The following LIPI variants were observed in gnomAD, a reference collection of about 807,000 sequenced individuals.
The protein encoded by LIPI is lipase member I.
In LIPI, 59 loss-of-function variants were observed where a neutral mutation model predicts 50.6. The ratio of observed to expected loss-of-function variants is 1.16; its 90% CI spans 0.94 to 1.45. The LOEUF (loss-of-function observed/expected upper bound fraction) is 1.45, where lower values mean the gene tolerates loss of function less well. Among genes scored for constraint, LIPI ranks in the 40% most tolerant of loss-of-function variants. The probability of loss-of-function intolerance (pLI) is 0.00; values close to 1 mark genes in which losing one functional copy is unlikely to be tolerated. For missense variants in LIPI, 586 were observed against 536.3 expected (o/e 1.09, Z -0.92); for synonymous variants, 203 against 178.2 (o/e 1.14, Z -1.11).
intron 9 of LIPI, among the ~76,000 whole-genome samples, chr21:14,132,263 C>A (rs944722106): frequency 6.6e-6 from 1 of 152,108 alleles, no homozygotes. Flanking sequence ...TGGCATATTA[C>A]CTTTAGGAGG....
At chr21:14,145,150 T>C (rs571941485) in intron 8 of LIPI, among the ~76,000 whole-genome samples, 3 of 64,802 alleles carry the variant, frequency 4.6e-5, no homozygotes, top group South Asian at 9.2e-4. Context: ...ATAGACTAGG[T>C]GCTTAACGGA....
chr21:14,168,050 G>A (rs963299763), intron 4 of LIPI, among the ~76,000 whole-genome samples: 102 of 152,282 alleles, frequency 6.7e-4, no homozygotes, highest in Middle Eastern at 3.4e-3. Context: ...GCCAAGGCTC[G>A]AGAACTATGT....
intron 9 of LIPI, among the ~76,000 whole-genome samples, chr21:14,111,588 A>C (rs2016416054): frequency 6.6e-6 from 1 of 152,010 alleles, no homozygotes; most frequent in South Asian, 2.1e-4. Flanking sequence ...TAAGCTTTTT[A>C]GTTTAATGTA....
chr21:14,134,682 C>T (rs1415327349), intron 9 of LIPI, among the ~76,000 whole-genome samples: 3 of 152,026 alleles, frequency 2.0e-5, no homozygotes, highest in African/African-American at 7.2e-5. Context: ...CAAAATAACA[C>T]ACTGATAAAA....
chr21:14,167,933 T>C (rs1000464397), intron 4 of LIPI, among the ~76,000 whole-genome samples: 3 of 152,156 alleles, frequency 2.0e-5, no homozygotes, highest in African/African-American at 4.8e-5. Context: ...CGGGAGGACA[T>C]TCAAACCAAA....
intron 9 of LIPI, among the ~76,000 whole-genome samples, chr21:14,131,029 C>T (rs2017272750): frequency 6.6e-6 from 1 of 152,192 alleles, no homozygotes; most frequent in Non-Finnish European, 1.5e-5. Context: ...CAGCTCACTG[C>T]AAGCTCTGCC....
chr21:14,161,577 ATAAT>A (rs1246015775), intron 7 of LIPI, among the ~76,000 whole-genome samples: 7 of 120,420 alleles, frequency 5.8e-5, no homozygotes, highest in Non-Finnish European at 1.1e-4. Flanking sequence ...TATTATATAT[ATAAT>A]ATATATCTAT....
At chr21:14,150,916 T>A (rs1359245346) in intron 8 of LIPI, among the ~76,000 whole-genome samples, 1 of 152,212 alleles carries the variant, frequency 6.6e-6, no homozygotes, top group East Asian at 1.9e-4. Context: ...ACTCTTTCAC[T>A]ACCAGTTCTA....
intron 9 of LIPI, among the ~76,000 whole-genome samples, chr21:14,133,595 A>C (rs2017378001): frequency 6.6e-6 from 1 of 152,212 alleles, no homozygotes; most frequent in Non-Finnish European, 1.5e-5. Context: ...CACCACTCTT[A>C]TTCAACGCAG....
chr21:14,199,410 A>G (rs2019972729), intron 1 of LIPI, among the ~76,000 whole-genome samples: 1 of 151,918 alleles, frequency 6.6e-6, no homozygotes, highest in South Asian at 2.1e-4. Flanking sequence ...CAAGGGTTAT[A>G]TTACTACTTA....
At chr21:14,200,626 C>T (rs1428633712) in intron 1 of LIPI, among the ~76,000 whole-genome samples, 3 of 151,592 alleles carry the variant, frequency 2.0e-5, no homozygotes, top group Non-Finnish European at 2.9e-5. Flanking sequence ...CAAAAATAAT[C>T]GAAAAACATA....
At chr21:14,147,437 C>T (rs373882344) in intron 8 of LIPI, among the ~76,000 whole-genome samples, 2 of 152,094 alleles carry the variant, frequency 1.3e-5, no homozygotes, top group African/African-American at 4.8e-5. Flanking sequence ...ACAGTATCCC[C>T]AGCACTTAAC....
chr21:14,116,962 G>A (rs561548546), intron 9 of LIPI, among the ~76,000 whole-genome samples: 184 of 152,254 alleles, frequency 1.2e-3, no homozygotes, highest in Admixed American at 2.1e-3. Context: ...AGGCTTAGGC[G>A]GGAAGCCACT....
chr21:14,120,200 A>T (rs369822082), intron 9 of LIPI, among the ~76,000 whole-genome samples: 211 of 152,298 alleles, frequency 1.4e-3, no homozygotes, highest in Middle Eastern at 0.01. Flanking sequence ...TATTTTACTG[A>T]TGGAAGCAGC....
intron 1 of LIPI, among the ~76,000 whole-genome samples, chr21:14,193,399 A>G (rs2019741992): frequency 6.6e-6 from 1 of 152,126 alleles, no homozygotes; most frequent in African/African-American, 2.4e-5. Context: ...CTTTGCTATC[A>G]ATGATAATTT....
intron 3 of LIPI, among the ~76,000 whole-genome samples, chr21:14,183,371 C>G (rs1433906589): frequency 6.6e-6 from 1 of 152,032 alleles, no homozygotes; most frequent in African/African-American, 2.4e-5. Flanking sequence ...CGATAAAAAC[C>G]CTAGAAGAAA....
At chr21:14,190,769 G>A (rs2019641854) in intron 1 of LIPI, among the ~76,000 whole-genome samples, 1 of 152,162 alleles carries the variant, frequency 6.6e-6, no homozygotes, top group Admixed American at 6.5e-5. Context: ...ATGAATGCAT[G>A]CTACACCGTG....
chr21:14,171,521 T>G (rs1317786097), intron 4 of LIPI, among the ~76,000 whole-genome samples: 1 of 150,024 alleles, frequency 6.7e-6, no homozygotes, highest in East Asian at 2.0e-4. Flanking sequence ...AACAGAGATA[T>G]AGATCAATGG....
chr21:14,186,179 A>T, intron 2 of LIPI, 110 bp from the exon 3 acceptor site: 2 of 729,138 alleles, frequency 2.7e-6, no homozygotes, highest in Non-Finnish European at 5.0e-6. Flanking sequence ...GGCTTGATTC[A>T]TTTTGGGGAT....
Sources: gnomAD v4.1 joint callset for allele counts (sites outside exome capture counted in the v4.1 genomes callset) on GRCh38, gnomAD v4.1.1 for gene constraint, MANE v1.5 for transcripts, NCBI Gene and HGNC (gene_info 2026-07-23, HGNC 2026-07-21) for gene names.